RALGAPB: variants seen among roughly 807,000 people sequenced by gnomAD.
RALGAPB encodes the protein Ral GTPase activating protein non-catalytic subunit beta.
Under a neutral mutation model 161.1 loss-of-function variants are expected in RALGAPB, and 25 were observed. That is an observed-to-expected ratio of 0.16 (90% confidence interval 0.11 to 0.22). RALGAPB has a LOEUF of 0.22. Ranked by LOEUF, RALGAPB falls within the 10% of genes least tolerant of loss-of-function variation. The probability of loss-of-function intolerance (pLI) is 1.00; values close to 1 mark genes in which losing one functional copy is unlikely to be tolerated. For synonymous variants in RALGAPB, 629 were observed against 626.1 expected (o/e 1.00, Z -0.07); for missense variants, 1,391 against 1,815.2 (o/e 0.77, Z 4.25).
chr20:38,535,234 A>G, intron 16 of RALGAPB, 27 bp downstream of exon 16: 1 of 1,612,358 alleles, frequency 6.2e-7, no homozygotes, highest in Non-Finnish European at 8.5e-7. Flanking sequence ...TTTTATTTTA[A>G]CCCAACAGCC....
intron 1 of RALGAPB, among the ~76,000 whole-genome samples, chr20:38,485,147 G>A (rs2085078775): frequency 6.6e-6 from 1 of 152,184 alleles, no homozygotes; most frequent in Non-Finnish European, 1.5e-5. Flanking sequence ...TGTAAATGAA[G>A]TTAATTTTTA....
At chr20:38,529,716 G>T (rs915324093) in intron 13 of RALGAPB, among the ~76,000 whole-genome samples, 1 of 151,038 alleles carries the variant, frequency 6.6e-6, no homozygotes, top group Non-Finnish European at 1.5e-5. Context: ...GGTGGCAGGC[G>T]CCTGTAATTC....
In RALGAPB at chr20:38,562,462, T is replaced by C. The variant is rs1242684639; in HGVS notation, c.3532-70T>C. On this transcript the variant is annotated intron_variant, in intron 23 of 29. Coordinates refer to ENST00000262879, the MANE Select transcript of RALGAPB (RefSeq NM_020336.4). ...TCAGAAGCTTCAAAACTAACCAATT[T>C]TTATGAAGATTTATTTTGATATATT... is the stretch of plus-strand genomic sequence containing the variant. 3.0e-6 allele frequency: 4 copies of C among 1,343,290 alleles called. No individual in the cohort carries two copies. In the African/African-American group the frequency reaches 6.0e-5, roughly 20 times the overall value. 83.2% of individuals were successfully genotyped at this position (1,343,290 alleles called of 1,614,324 possible). A position where few individuals can be genotyped will look rare whatever the true frequency, so the allele number is the denominator to read the frequency against.
chr20:38,573,651 A>T (rs1224790061), intron 28 of RALGAPB: 3 of 152,258 alleles, frequency 2.0e-5, no homozygotes, highest in Non-Finnish European at 4.4e-5. Context: ...CACCCTGAAA[A>T]AAAATTATAT....
In RALGAPB at chr20:38,509,058, G is replaced by T; in HGVS notation, c.741-19G>T. On this transcript the variant is annotated intron_variant, in intron 5 of 29. Coordinates refer to ENST00000262879, the MANE Select transcript of RALGAPB (RefSeq NM_020336.4). ...AATCTGTTAAGAAATGGACTCAGTG[G>T]TGTGCATTTATTTTCTAGATTGCTA... is the stretch of plus-strand genomic sequence containing the variant. 6.2e-7 allele frequency: 1 copy of T among 1,611,282 alleles called. No homozygotes were observed. Among genetic ancestry groups the T allele is most frequent in the Non-Finnish European group, 8.5e-7 (1 of 1,177,698 alleles).
At chr20:38,482,703 A>G (rs2085004761) in intron 1 of RALGAPB, among the ~76,000 whole-genome samples, 1 of 152,222 alleles carries the variant, frequency 6.6e-6, no homozygotes. Context: ...TCCTGGGATT[A>G]CAGGCGTGAG....
chr20:38,555,491 G>A (rs948607169), intron 22 of RALGAPB, among the ~76,000 whole-genome samples: 1 of 152,152 alleles, frequency 6.6e-6, no homozygotes, highest in Admixed American at 6.5e-5. Context: ...AAGAAACATA[G>A]TGGTAAATAT....
At position 38,535,169 on chromosome 20, in the gene RALGAPB, T is replaced by C. The variant is rs547279196; in HGVS notation, c.2341T>C (p.Ser781Pro). 1.2e-6 allele frequency: 2 copies of C among 1,614,170 alleles called. No individual in the cohort carries two copies. The highest frequency in any genetic ancestry group is 2.7e-5 in the African/African-American group (2 of 75,048). Residue 781 changes from serine to proline, a missense_variant, in exon 16 of 30, where the codon TCA (serine) becomes CCA (proline). Ser to Pro is a moderately conservative substitution (Grantham distance 74, BLOSUM62 -1). Coordinates refer to ENST00000262879, the MANE Select transcript of RALGAPB (RefSeq NM_020336.4). ...CCAGTGGCGCCAAGACATGAGCATA[T>C]CACTGGCAGCTCTAGAGCTCCTCTC... ...NSQWRQDMSI[S>P]LAALELLSGL...
At chr20:38,491,697 T>G (rs1436871043) in intron 2 of RALGAPB, among the ~76,000 whole-genome samples, 1 of 152,200 alleles carries the variant, frequency 6.6e-6, no homozygotes, top group Non-Finnish European at 1.5e-5. Flanking sequence ...TAAGCTTCTG[T>G]TTTCTTATGT....
chr20:38,501,081 A>G (rs530416754), intron 5 of RALGAPB, among the ~76,000 whole-genome samples: 1 of 152,212 alleles, frequency 6.6e-6, no homozygotes, highest in Non-Finnish European at 1.5e-5. Context: ...AGTGATCCAG[A>G]TGATCTAGCT....
intron 6 of RALGAPB, among the ~76,000 whole-genome samples, chr20:38,512,205 T>C (rs1296560044): frequency 6.6e-6 from 1 of 152,252 alleles, no homozygotes; most frequent in Non-Finnish European, 1.5e-5. Context: ...CTGCATGTTA[T>C]TTTGCATATT....
In RALGAPB at chr20:38,577,139, G is replaced by A. The variant is rs1158831898; in HGVS notation, c.*2172G>A. ...GAAACTCCCAGTGTGTACGGAGCCA[G>A]TGGAATATGGGATACCCATACCTTA... On this transcript the variant is annotated 3_prime_UTR_variant, in exon 30 of 30. Coordinates refer to ENST00000262879, the MANE Select transcript of RALGAPB (RefSeq NM_020336.4). The A allele has an allele frequency of 6.6e-6, 1 of 152,218 alleles. No homozygotes were observed. Among genetic ancestry groups the A allele is most frequent in the Admixed American group, 6.5e-5 (1 of 15,284 alleles). The allele number at this position is 152,218 out of a possible 1,614,324, so 9.4% of individuals were successfully genotyped here.
chr20:38,533,682 T>C (rs1029078376), intron 15 of RALGAPB, among the ~76,000 whole-genome samples: 3 of 152,198 alleles, frequency 2.0e-5, no homozygotes, highest in African/African-American at 7.2e-5. Context: ...CTTGAACATG[T>C]CAGATATACA....
At chr20:38,502,796 G>A (rs2122974766) in intron 5 of RALGAPB, among the ~76,000 whole-genome samples, 1 of 152,208 alleles carries the variant, frequency 6.6e-6, no homozygotes, top group African/African-American at 2.4e-5. Flanking sequence ...GTAGAGTCAG[G>A]GATTCTCCAT....
intron 24 of RALGAPB, among the ~76,000 whole-genome samples, chr20:38,564,517 A>G (rs1446689763): frequency 6.6e-6 from 1 of 152,096 alleles, no homozygotes; most frequent in African/African-American, 2.4e-5. Context: ...ATTTTTATTT[A>G]TTCCCTGAGA....
Position 38,562,567 on chromosome 20 carries a change from G to A in RALGAPB, c.3567G>A (p.Gln1189=), listed in dbSNP as rs374078671. Residue 1189 remains glutamine, a synonymous_variant, in exon 24 of 30, where the codon CAG becomes CAA. Coordinates refer to ENST00000262879, the MANE Select transcript of RALGAPB (RefSeq NM_020336.4). ...ATGTGGAGTCTTCCAGAACTGTTCA[G>A]CCACATTTCCTAGAATTTTTGCTTT... ...LKNVESSRTV[Q]PHFLEFLLSL... is the part of the protein sequence containing the mutation. The A allele has an allele frequency of 1.2e-6, 2 of 1,613,000 alleles. No homozygotes were observed. The highest frequency in any genetic ancestry group is 2.7e-5 in the African/African-American group (2 of 74,880).
At chr20:38,553,751 A>C in intron 21 of RALGAPB, 116 bp from the exon 22 acceptor site, 1 of 786,974 alleles carries the variant, frequency 1.3e-6, no homozygotes, top group South Asian at 2.0e-5. Flanking sequence ...GTTCAAGACC[A>C]GCTTGGTCAA....
Position 38,541,047 on chromosome 20 carries a change from C to T in RALGAPB, c.2569C>T (p.Leu857Phe). ...HPDMLDEKDC[L>F]KEVLEIVELG... ...CTGCCTTTCCTGCTTTTAGGACTGC[C>T]TTAAGGAAGTACTGGAGATTGTGGA... The change falls in exon 18 of 30, where the codon CTT becomes TTT. Residue 857 changes from leucine to phenylalanine, a missense_variant. Leu to Phe is a conservative substitution (Grantham distance 22). Around this residue, in one of 3 missense-constraint regions of RALGAPB, gnomAD observed 946 missense variants for 1,257.2 expected, o/e 0.75. Transcript: ENST00000262879. 6.2e-7 allele frequency: 1 copy of T among 1,613,742 alleles called. No homozygotes were observed. The highest frequency in any genetic ancestry group is 8.5e-7 in the Non-Finnish European group (1 of 1,179,822).
chr20:38,527,342 TG>T (rs1394139582), intron 13 of RALGAPB, among the ~76,000 whole-genome samples: 3 of 152,146 alleles, frequency 2.0e-5, no homozygotes, highest in Non-Finnish European at 4.4e-5. Flanking sequence ...GGACAGATCC[TG>T]AAGAGATGGG....
Sources: allele counts gnomAD v4.1 joint callset (sites outside exome capture counted in the v4.1 genomes callset), GRCh38; gene constraint gnomAD v4.1.1; regional missense constraint gnomAD v4.1.1; transcripts MANE v1.5; gene names NCBI Gene and HGNC (gene_info 2026-07-23, HGNC 2026-07-21).